The following KMT2D variants were observed in gnomAD, a reference collection of about 807,000 sequenced individuals.
The protein encoded by KMT2D is histone-lysine N-methyltransferase 2D.
KMT2D carries 55 observed loss-of-function variants against 512.7 expected under a neutral mutation model. That is an observed-to-expected ratio of 0.11 (90% CI 0.09 to 0.13). The LOEUF is 0.13. Among genes scored for constraint, KMT2D ranks in the 10% least tolerant of loss-of-function variants. The probability of loss-of-function intolerance (pLI) is 1.00; values close to 1 mark genes in which losing one functional copy is unlikely to be tolerated. For missense variants in KMT2D, 6,061 were observed against 7,127.9 expected (o/e 0.85, Z 5.39); for synonymous variants, 2,995 against 2,904.0 (o/e 1.03, Z -1.01).
rs199546800 is a variant in KMT2D at position 49,039,875 on chromosome 12, G to A, written c.7895C>T (p.Ala2632Val). The A allele has an allele frequency of 1.2e-6, 2 of 1,614,052 alleles. No homozygotes were observed. Among genetic ancestry groups the A allele is most frequent in the African/African-American group, 2.7e-5 (2 of 75,068 alleles). The change falls in exon 32 of 55, where the codon GCC becomes GTC. Residue 2632 changes from alanine (A) to valine (V), a missense_variant. Coordinates refer to ENST00000301067, the MANE Select transcript of KMT2D (RefSeq NM_003482.4). The surrounding 1 kb of genome is among the most constrained non-coding windows in gnomAD (Gnocchi z 5.0). ...AGAGGTGATGCCTGATCGCTGTGAGGCTCCATGGGACAGGTAGGGGAGGGA... is the reference window on the plus strand; with the variant it reads ...AGAGGTGATGCCTGATCGCTGTGAGACTCCATGGGACAGGTAGGGGAGGGA... ...DGSLPYLSHG[A>V]SQRSGITSPV...
chr12:49,048,144 T>C (rs367869650), intron 14 of KMT2D, 75 bp from the exon 15 acceptor site: 12 of 995,960 alleles, frequency 1.2e-5, no homozygotes, highest in East Asian at 7.3e-5. Flanking sequence ...ACTATGACGC[T>C]ACAACACTGA....
chr12:49,029,301 G>A (rs757468675), intron 44 of KMT2D, 65 bp from the exon 45 acceptor site: 1 of 1,591,600 alleles, frequency 6.3e-7, no homozygotes, highest in Non-Finnish European at 8.6e-7. Flanking sequence ...ATCTAGAGAT[G>A]AATAGATGTC....
In KMT2D at chr12:49,033,812, G is replaced by A; in HGVS notation, c.10893C>T (p.Leu3631=). 15 of 1,591,524 alleles carry A rather than the reference G, an allele frequency of 9.4e-6. No individual in the cohort carries two copies. The highest frequency in any genetic ancestry group is 1.3e-5 in the Non-Finnish European group (15 of 1,169,214). The change falls in exon 40 of 55, where the codon CTC becomes CTT. Residue 3631 remains leucine, a synonymous_variant. Coordinates refer to ENST00000301067, the MANE Select transcript of KMT2D (RefSeq NM_003482.4). ...CATGGCCAGGGAGCAGCTGACCAGG[G>A]AGCTTGGTGAGCAGCCGGGGACTCT... ...PSQSPRLLTK[L]PGQLLPGHGL...
rs760620132 is a variant in KMT2D, at chr12:49,031,421, G to C, written c.13284C>G (p.Ala4428=). ...CATTGGCCTCCCTCTTCACTGACTG[G>C]GCTCCCAGGGCACATGGCTCTTCCC... is the stretch of plus-strand genomic sequence containing the variant. ...EPREEPCALG[A]QSVKREANGE... The change falls in exon 40 of 55, where the codon GCC becomes GCG. Residue 4428 remains alanine, a synonymous_variant. Coordinates refer to ENST00000301067, the MANE Select transcript of KMT2D (RefSeq NM_003482.4). 1 of 1,613,654 alleles carries C rather than the reference G, an allele frequency of 6.2e-7. No individual in the cohort carries two copies. The highest frequency in any genetic ancestry group is 1.1e-5 in the South Asian group (1 of 91,082).
intron 1 of KMT2D, among the ~76,000 whole-genome samples, chr12:49,058,698 GA>G (rs1457764372): frequency 3.9e-5 from 6 of 152,198 alleles, no homozygotes; most frequent in Non-Finnish European, 7.3e-5. Flanking sequence ...GTTGGTACAG[GA>G]TCAGAAAACC....
In KMT2D at chr12:49,032,879, T is replaced by C. The variant is rs112586166; in HGVS notation, c.11826A>G (p.Gln3942=). Residue 3942 remains glutamine, a synonymous_variant, in exon 40 of 55, where the codon CAA becomes CAG. Transcript: ENST00000301067. ...GCTGTTGAAGCTGTTGCTGCTGCTGTTGTTGAAGCTGCTGCTGCTGTTGCT... is the reference window on the plus strand; with the variant it reads ...GCTGTTGAAGCTGTTGCTGCTGCTGCTGTTGAAGCTGCTGCTGCTGTTGCT... ...QQQQQQQQLQ[Q]QQQQQLQQQQ... The C allele has an allele frequency of 9.1e-5, 141 of 1,549,668 alleles. 1 individual carries two copies. In the African/African-American group the frequency reaches 1.4e-3, roughly 16 times the overall value.
In KMT2D at chr12:49,031,574, C is replaced by A. The variant is rs1327126544; in HGVS notation, c.13131G>T (p.Trp4377Cys). 6.2e-7 allele frequency: 1 copy of A among 1,600,166 alleles called. No homozygotes were observed. Among genetic ancestry groups the A allele is most frequent in the East Asian group, 2.3e-5 (1 of 44,320 alleles). The change falls in exon 40 of 55, where the codon TGG becomes TGT. Residue 4377 changes from tryptophan to cysteine, a missense_variant. Transcript: ENST00000301067. ...DTLFSKGLGPWDPPDNLAETQ... is the reference protein window; with the variant it reads ...DTLFSKGLGPCDPPDNLAETQ... Reference sequence around the variant, plus strand: ...TTTCTGCTAGGTTGTCTGGGGGATCCCAAGGTCCCAGACCCTTGCTAAACA... The same window carrying A: ...TTTCTGCTAGGTTGTCTGGGGGATCACAAGGTCCCAGACCCTTGCTAAACA...
At chr12:49,058,857 G>A (rs1291587739) in intron 1 of KMT2D, among the ~76,000 whole-genome samples, 1 of 152,146 alleles carries the variant, frequency 6.6e-6, no homozygotes, top group Non-Finnish European at 1.5e-5. Flanking sequence ...CATTCGCAGG[G>A]AGCAAATCTC....
rs1298153579 is a variant in KMT2D, at chr12:49,051,557, G to A, written c.2126C>T (p.Pro709Leu). The change falls in exon 11 of 55, where the codon CCA becomes CTA. Residue 709 changes from proline to leucine, a missense_variant. Physicochemically the swap from Pro to Leu is moderately conservative, Grantham distance 98 (BLOSUM62 -3). Transcript: ENST00000301067. ...SPPPEDSPAS[P>L]PPEDSLMSLP... ...GGACATGAGCGAGTCCTCCGGTGGTGGGGAAGCAGGTGAGTCCTCAGGTGG... is the reference window on the plus strand; with the variant it reads ...GGACATGAGCGAGTCCTCCGGTGGTAGGGAAGCAGGTGAGTCCTCAGGTGG... The A allele has an allele frequency of 6.2e-7, 1 of 1,610,356 alleles. No homozygotes were observed. Among genetic ancestry groups the A allele is most frequent in the Admixed American group, 1.7e-5 (1 of 59,868 alleles).
In KMT2D at chr12:49,031,766, G is replaced by A. The variant is rs1306855612; in HGVS notation, c.12939C>T (p.Ser4313=). Residue 4313 remains serine (S), a synonymous_variant, in exon 40 of 55, where the codon AGC becomes AGT. Coordinates refer to ENST00000301067, the MANE Select transcript of KMT2D (RefSeq NM_003482.4). ...GTGAAGGTCTCTTTGGCTCTTGAGG[G>A]CTGGATGGTGGAGGTGTGGGATGGA... ...GPVHPTPPPS[S]PQEPKRPSQL... 1.9e-6 allele frequency: 3 copies of A among 1,612,090 alleles called. No homozygotes were observed. The highest frequency in any genetic ancestry group is 1.3e-5 in the African/African-American group (1 of 74,870).
In KMT2D at chr12:49,022,588, AC is replaced by A; in HGVS notation, c.16338+1del. The A allele has an allele frequency of 6.2e-7, 1 of 1,612,758 alleles. No individual in the cohort carries two copies. On this transcript the variant is annotated splice_donor_variant, in intron 52 of 54. Coordinates refer to ENST00000301067, the MANE Select transcript of KMT2D (RefSeq NM_003482.4). LOFTEE classifies it high-confidence loss of function. This position sits in a 1 kb window ranked among gnomAD's most constrained non-coding sequence, Gnocchi z 8.6. ...CACAATGGCCCCTCTGCCAGCTCAT[AC>A]CTGCTCTTCGTAGATTTTCTCCCGC...
At chr12:49,057,425 G>A (rs150304974) in intron 1 of KMT2D, among the ~76,000 whole-genome samples, 2 of 152,274 alleles carry the variant, frequency 1.3e-5, no homozygotes, top group East Asian at 1.9e-4. Context: ...GCCCTCCCCC[G>A]AGCTCAGCCC....
rs1490295913 is a variant in KMT2D, at chr12:49,024,827, G to T, written c.15904C>A (p.Leu5302Ile). 2 of 1,612,888 alleles carry T rather than the reference G, an allele frequency of 1.2e-6. No homozygotes were observed. The highest frequency in any genetic ancestry group is 2.7e-5 in the African/African-American group (2 of 74,966). The change falls in exon 50 of 55, where the codon CTT becomes ATT. Residue 5302 changes from leucine (L) to isoleucine (I), a missense_variant. Physicochemically the swap from Leu to Ile is conservative, Grantham distance 5 (BLOSUM62 2). Around this residue, in one of 16 missense-constraint regions of KMT2D, gnomAD observed 261 missense variants for 440.7 expected, o/e 0.59. Transcript: ENST00000301067. The surrounding 1 kb of genome is among the most constrained non-coding windows in gnomAD (Gnocchi z 4.5). ...ELFGLTVHAV[L>I]RIAESLPGVE... ...TTCCTTACTGATTCAGCTATGCGAAGCACGGCATGCACCGTCAGCCCAAAG... is the reference window on the plus strand; with the variant it reads ...TTCCTTACTGATTCAGCTATGCGAATCACGGCATGCACCGTCAGCCCAAAG...
intron 41 of KMT2D, 34 bp from the exon 42 acceptor site, chr12:49,030,802 G>A (rs201075700): frequency 6.2e-7 from 1 of 1,612,938 alleles, no homozygotes; most frequent in African/African-American, 1.3e-5. Context: ...TTCAAAACCT[G>A]CAGCGTTTGC....
rs763955557 is a variant in KMT2D, at chr12:49,040,851, C to T, written c.6919G>A (p.Val2307Ile). 4.9e-5 allele frequency: 79 copies of T among 1,613,674 alleles called. No homozygotes were observed. Among genetic ancestry groups the T allele is most frequent in the Non-Finnish European group, 6.2e-5 (73 of 1,179,774 alleles). ...TGGGTGCCTGAGGAGGGTGAGTCAA[C>T]AAAGCCCAGGTTTGGGGGCCCATAG... ...PSYGPPNLGF[V>I]DSPSSGTHLG... Residue 2307 changes from valine to isoleucine, a missense_variant, in exon 32 of 55, where the codon GTT becomes ATT. By Grantham distance (29) the Val-to-Ile change is conservative. Transcript: ENST00000301067.
Position 49,038,867 on chromosome 12 carries a change from C to T in KMT2D, c.8489G>A (p.Arg2830Gln), listed in dbSNP as rs1271513534. The T allele has an allele frequency of 7.7e-6, 12 of 1,552,220 alleles. No homozygotes were observed. Among genetic ancestry groups the T allele is most frequent in the East Asian group, 2.4e-5 (1 of 40,958 alleles). The change falls in exon 35 of 55, where the codon CGA becomes CAA. Residue 2830 changes from arginine to glutamine, a missense_variant. This residue lies in a region of KMT2D where 527 missense variants were observed against 578.9 expected (regional missense o/e 0.91). Coordinates refer to ENST00000301067, the MANE Select transcript of KMT2D (RefSeq NM_003482.4). This position sits in a 1 kb window ranked among gnomAD's most constrained non-coding sequence, Gnocchi z 5.7. ...TGGAAAGCGAGCTGACATGGCAAAT[C>T]GCATGGAGGTTGCTGCTGTTGCCTG... ...QQQATAATSM[R>Q]FAMSARFPST...
chr12:49,042,763 T>A lies in KMT2D; in HGVS notation c.5760A>T (p.Pro1920=), dbSNP rs2120559859. ...GTPGLEGSRT[P]LQRPFLQGGL... is the part of the protein sequence containing the mutation. ...TACCTTGAAGAAAGGGCCTCTGCAG[T>A]GGCGTACGGCTGCCTTCTAGGCCAG... The change falls in exon 27 of 55, where the codon CCA becomes CCT. Residue 1920 remains proline (P), a synonymous_variant. Coordinates refer to ENST00000301067, the MANE Select transcript of KMT2D (RefSeq NM_003482.4). The surrounding 1 kb of genome is among the most constrained non-coding windows in gnomAD (Gnocchi z 4.4). 1.2e-6 allele frequency: 2 copies of A among 1,613,814 alleles called. No homozygotes were observed.
chr12:49,052,508 T>C, intron 10 of KMT2D, 56 bp downstream of exon 10: 3 of 1,593,476 alleles, frequency 1.9e-6, no homozygotes, highest in Non-Finnish European at 2.6e-6. Flanking sequence ...GCACAAACTG[T>C]CTCTTGCCAT....
At chr12:49,048,554 C>A in intron 14 of KMT2D, 105 bp downstream of exon 14, 1 of 705,262 alleles carries the variant, frequency 1.4e-6, no homozygotes, top group Non-Finnish European at 2.5e-6. Flanking sequence ...GGTCTGTTTT[C>A]TCATTAGCTG....
Sources: gnomAD v4.1 joint callset for allele counts (sites outside exome capture counted in the v4.1 genomes callset) on GRCh38, gnomAD v4.1.1 for gene constraint, gnomAD v4.1.1 regional missense constraint, Gnocchi (gnomAD v3.1) non-coding constraint, MANE v1.5 for transcripts, NCBI Gene and HGNC (gene_info 2026-07-23, HGNC 2026-07-21) for gene names.